ANO6: variants seen among roughly 807,000 people sequenced by gnomAD.
ANO6 encodes the protein anoctamin-6.
A neutral mutation model predicts 117.5 loss-of-function variants in ANO6; 106 were observed. The observed-to-expected ratio is 0.90, with a 90% confidence interval of 0.77 to 1.06. The LOEUF (loss-of-function observed/expected upper bound fraction) is 1.06, where lower values mean the gene tolerates loss of function less well. Among genes scored for constraint, ANO6 ranks in the 50% least tolerant of loss-of-function variants. The pLI, the probability that ANO6 is intolerant of heterozygous loss-of-function variation, is 0.00. For missense variants in ANO6, 955 were observed against 1,121.1 expected (o/e 0.85, Z 2.12); for synonymous variants, 367 against 385.1 (o/e 0.95, Z 0.55).
chr12:45,358,473 T>G (rs1409105024), intron 8 of ANO6, among the ~76,000 whole-genome samples: 2 of 150,154 alleles, frequency 1.3e-5, no homozygotes, highest in Non-Finnish European at 3.0e-5. Flanking sequence ...ATTGTTCTAG[T>G]TTAAAAAAAA....
intron 1 of ANO6, among the ~76,000 whole-genome samples, chr12:45,297,104 T>C (rs1193678943): frequency 6.6e-6 from 1 of 152,172 alleles, no homozygotes; most frequent in Non-Finnish European, 1.5e-5. Context: ...GAATCAGAAC[T>C]TGAACCCAGT....
chr12:45,355,153 C>G (rs1295208004), intron 7 of ANO6, among the ~76,000 whole-genome samples: 1 of 152,062 alleles, frequency 6.6e-6, no homozygotes, highest in Non-Finnish European at 1.5e-5. Flanking sequence ...TGACTGTATA[C>G]TTGTAACTTT....
chr12:45,341,235 G>A (rs1366837108), intron 3 of ANO6, among the ~76,000 whole-genome samples: 1 of 152,094 alleles, frequency 6.6e-6, no homozygotes, highest in African/African-American at 2.4e-5. Context: ...AACCTTTCTG[G>A]AGGGCAGTAC....
intron 3 of ANO6, among the ~76,000 whole-genome samples, chr12:45,345,767 A>G (rs896014639): frequency 9.2e-5 from 14 of 152,142 alleles, no homozygotes; most frequent in African/African-American, 3.4e-4. Flanking sequence ...TCAGATTTTG[A>G]ACCCAGGAAG....
chr12:45,364,431 A>G (rs747448581), intron 8 of ANO6, among the ~76,000 whole-genome samples: 97 of 152,224 alleles, frequency 6.4e-4, no homozygotes, highest in Middle Eastern at 6.8e-3. Context: ...TCTATAATGT[A>G]TGTGTTGGTA....
At chr12:45,224,491 T>G (rs1008678203) in intron 1 of ANO6, among the ~76,000 whole-genome samples, 6 of 152,198 alleles carry the variant, frequency 3.9e-5, no homozygotes, top group African/African-American at 1.4e-4. Context: ...CAAAGCAAAC[T>G]ATCCTCAAAC....
rs987992710 is a variant in ANO6 at position 45,356,805 on chromosome 12, T to A, written c.864-485T>A. On this transcript the variant is annotated intron_variant, in intron 7 of 19. Transcript: ENST00000320560. ...GAAAAAAAATCCACATTTAAGTGGA[T>A]CCGTACAGTTCAACCCTGTGTTGTT... Among the ~76,000 whole-genome samples, 103 of 152,294 alleles carry A rather than the reference T, an allele frequency of 6.8e-4. 1 individual carries two copies. Among genetic ancestry groups the A allele is most frequent in the Non-Finnish European group, 8.5e-4 (58 of 68,024 alleles).
At chr12:45,332,319 C>A (rs1040830117) in intron 3 of ANO6, among the ~76,000 whole-genome samples, 1 of 152,016 alleles carries the variant, frequency 6.6e-6, no homozygotes, top group East Asian at 1.9e-4. Context: ...CTCACACACA[C>A]ACACACACAC....
intron 1 of ANO6, 34 bp from the exon 2 acceptor site, chr12:45,301,980 T>C: frequency 3.1e-6 from 5 of 1,589,848 alleles, no homozygotes; most frequent in Non-Finnish European, 4.3e-6. Context: ...TGCAGGTTCA[T>C]GCTTCATTTG....
chr12:45,335,673 T>G lies in ANO6; in HGVS notation c.279+4250T>G, dbSNP rs1318977320. The G allele has an allele frequency of 2.0e-5, 3 of 152,024 alleles. No homozygotes were observed. In the East Asian group the frequency reaches 5.8e-4, roughly 29 times the overall value. The allele number at this position is 152,024 out of a possible 1,614,324, so 9.4% of individuals were successfully genotyped here. A position where few individuals can be genotyped will look rare whatever the true frequency, so the allele number is the denominator to read the frequency against. ...TCCAATTTCTTAAAAAGTCCAAAAT[T>G]AGAAATACTTCTAGTTCCAAGCATT... is the stretch of plus-strand genomic sequence containing the variant. On this transcript the variant is annotated intron_variant, in intron 3 of 19. Transcript: ENST00000320560.
At chr12:45,372,676 C>A (rs932744204) in intron 9 of ANO6, among the ~76,000 whole-genome samples, 20 of 151,810 alleles carry the variant, frequency 1.3e-4, no homozygotes, top group African/African-American at 4.8e-4. Context: ...GATTTTGTCA[C>A]CACCAGGCCT....
chr12:45,370,619 C>T (rs75065500), intron 9 of ANO6, among the ~76,000 whole-genome samples: 4,645 of 152,262 alleles, frequency 0.031, 95 homozygotes, highest in African/African-American at 0.057. Context: ...AGTATTACAA[C>T]ATGCAGAACT....
chr12:45,434,345 C>T (rs776796855), downstream of ANO6, among the ~76,000 whole-genome samples: 2 of 152,224 alleles, frequency 1.3e-5, no homozygotes, highest in Non-Finnish European at 2.9e-5. Context: ...GAGGCCTGCT[C>T]TGTGGTACAG....
At chr12:45,342,855 T>C (rs531000568) in intron 3 of ANO6, among the ~76,000 whole-genome samples, 3 of 152,150 alleles carry the variant, frequency 2.0e-5, no homozygotes, top group Non-Finnish European at 4.4e-5. Flanking sequence ...ATTTAAGGTG[T>C]TTTTTGGCAG....
intron 2 of ANO6, among the ~76,000 whole-genome samples, chr12:45,322,690 A>G (rs1020054843): frequency 1.3e-5 from 2 of 152,186 alleles, no homozygotes; most frequent in African/African-American, 4.8e-5. Flanking sequence ...CGATGGCAAT[A>G]GATGGAACAG....
intron 12 of ANO6, among the ~76,000 whole-genome samples, chr12:45,397,584 C>G (rs1361552158): frequency 6.6e-6 from 1 of 152,110 alleles, no homozygotes; most frequent in African/African-American, 2.4e-5. Context: ...TGGAACCAAC[C>G]CAAATGTCCA....
At chr12:45,222,289 T>C (rs982206853) in intron 1 of ANO6, among the ~76,000 whole-genome samples, 1 of 152,126 alleles carries the variant, frequency 6.6e-6, no homozygotes, top group Non-Finnish European at 1.5e-5. Context: ...GCCTCCTAAG[T>C]AGCTGGGATT....
At chr12:45,291,351 A>G (rs1939090591) in intron 1 of ANO6, among the ~76,000 whole-genome samples, 1 of 149,688 alleles carries the variant, frequency 6.7e-6, no homozygotes, top group Non-Finnish European at 1.5e-5. Flanking sequence ...CGTCTCAAAA[A>G]AAAAAAAAAA....
chr12:45,325,702 G>C (rs890601406), intron 2 of ANO6, among the ~76,000 whole-genome samples: 4 of 151,846 alleles, frequency 2.6e-5, no homozygotes, highest in African/African-American at 7.3e-5. Context: ...TTATTGTTCT[G>C]CTTTTCTGCA....
Sources: gnomAD v4.1 joint callset for allele counts (sites outside exome capture counted in the v4.1 genomes callset) on GRCh38, gnomAD v4.1.1 for gene constraint, MANE v1.5 for transcripts, NCBI Gene and HGNC (gene_info 2026-07-23, HGNC 2026-07-21) for gene names.